Variants in PTPN5 observed in about 807,000 individuals in gnomAD.
PTPN5 encodes the protein tyrosine-protein phosphatase non-receptor type 5.
PTPN5 carries 29 observed loss-of-function variants against 73.9 expected under a neutral mutation model. That is an observed-to-expected ratio of 0.39 (90% CI 0.29 to 0.54). The LOEUF is 0.54. Ranked by LOEUF, PTPN5 falls within the 20% of genes least tolerant of loss-of-function variation. The pLI, the probability that PTPN5 is intolerant of heterozygous loss-of-function variation, is 0.65. For missense variants in PTPN5, 652 were observed against 751.4 expected (o/e 0.87, Z 1.55); for synonymous variants, 267 against 304.7 (o/e 0.88, Z 1.29).
chr11:18,777,003 A>C (rs1236783584), intron 1 of PTPN5, among the ~76,000 whole-genome samples: 2 of 152,148 alleles, frequency 1.3e-5, no homozygotes, highest in African/African-American at 4.8e-5. Flanking sequence ...CTCTACTAAA[A>C]ATACAAAATT....
At chr11:18,746,197 T>TATATACACA (rs1849630398) in intron 3 of PTPN5, among the ~76,000 whole-genome samples, 2 of 51,744 alleles carry the variant, frequency 3.9e-5, no homozygotes, top group Non-Finnish European at 1.1e-4. Flanking sequence ...ATATATACAT[T>TATATACACA]TTTTTTTTTT....
intron 8 of PTPN5, among the ~76,000 whole-genome samples, chr11:18,739,203 C>T (rs1402696538): frequency 6.6e-6 from 1 of 152,148 alleles, no homozygotes; most frequent in Non-Finnish European, 1.5e-5. Flanking sequence ...AATAAAAATA[C>T]AACACGTGCA....
chr11:18,742,070 A>G lies in PTPN5; in HGVS notation c.725+192T>C, dbSNP rs150288107. Among the ~76,000 whole-genome samples, 10 of 152,344 alleles carry G rather than the reference A, an allele frequency of 6.6e-5. No homozygotes were observed. The East Asian group carries it at 1.7e-3, about 26-fold the overall frequency. ...CACCTATGTGTGCGTGTGCAGTAAC[A>G]GTATTTCTCAGCATTCATCTTGGGG... On this transcript the variant is annotated intron_variant, in intron 7 of 14. Coordinates refer to ENST00000358540, the MANE Select transcript of PTPN5 (RefSeq NM_006906.2). This position sits in a 1 kb window ranked among gnomAD's most constrained non-coding sequence, Gnocchi z 4.1.
intron 1 of PTPN5, among the ~76,000 whole-genome samples, chr11:18,788,731 CAA>C (rs903227656): frequency 1.3e-5 from 2 of 152,316 alleles, no homozygotes; most frequent in African/African-American, 4.8e-5. Context: ...CGACACAGAA[CAA>C]AGAGTTCAGA....
chr11:18,740,245 A>G (rs1435791332), intron 8 of PTPN5, among the ~76,000 whole-genome samples: 1 of 152,148 alleles, frequency 6.6e-6, no homozygotes, highest in Admixed American at 6.5e-5. Flanking sequence ...CGGCAGGAGG[A>G]AAGTGGGAAA....
chr11:18,763,912 C>T (rs996034132), intron 3 of PTPN5, among the ~76,000 whole-genome samples: 3 of 152,204 alleles, frequency 2.0e-5, no homozygotes, highest in Admixed American at 6.5e-5. Flanking sequence ...CGGACTCAAA[C>T]GCCAAATCCC....
At chr11:18,776,328 G>T (rs1361464646) in intron 1 of PTPN5, among the ~76,000 whole-genome samples, 1 of 151,820 alleles carries the variant, frequency 6.6e-6, no homozygotes, top group Admixed American at 6.6e-5. Context: ...ATTCTTATTT[G>T]CCTTTTAAGA....
At chr11:18,730,183 CTCT>C (rs1271746435) in intron 12 of PTPN5, 1 of 443,350 alleles carries the variant, frequency 2.3e-6, no homozygotes, top group Non-Finnish European at 3.9e-6. Flanking sequence ...AGCCCCGGGA[CTCT>C]TCTTCGCCTC....
chr11:18,780,421 A>G (rs1439392034), intron 1 of PTPN5, among the ~76,000 whole-genome samples: 1 of 152,064 alleles, frequency 6.6e-6, no homozygotes, highest in Non-Finnish European at 1.5e-5. Context: ...AGCGGCCCCT[A>G]GCTCCTGCCA....
chr11:18,742,143 T>A lies in PTPN5; in HGVS notation c.725+119A>T. The A allele has an allele frequency of 7.1e-7, 1 of 1,402,324 alleles. No individual in the cohort carries two copies. The highest frequency in any genetic ancestry group is 9.8e-7 in the Non-Finnish European group (1 of 1,021,164). 86.9% of individuals were successfully genotyped at this position (1,402,324 alleles called of 1,614,324 possible). A position where few individuals can be genotyped will look rare whatever the true frequency, so the allele number is the denominator to read the frequency against. On this transcript the variant is annotated intron_variant, in intron 7 of 14. Coordinates refer to ENST00000358540, the MANE Select transcript of PTPN5 (RefSeq NM_006906.2). The surrounding 1 kb of genome is among the most constrained non-coding windows in gnomAD (Gnocchi z 4.1). ...CTGGATAGCACATGTCTACACTGGC[T>A]AAGCTATAAGGCCAGCTCTGCCCTG... is the stretch of plus-strand genomic sequence containing the variant.
chr11:18,784,271 T>A (rs1247913974), intron 1 of PTPN5, among the ~76,000 whole-genome samples: 3 of 152,152 alleles, frequency 2.0e-5, no homozygotes, highest in Non-Finnish European at 4.4e-5. Context: ...AACAGATGAA[T>A]GGCCAAACAA....
intron 7 of PTPN5, among the ~76,000 whole-genome samples, chr11:18,741,484 C>T (rs1849363104): frequency 6.6e-6 from 1 of 152,124 alleles, no homozygotes; most frequent in Non-Finnish European, 1.5e-5. Flanking sequence ...GGTGGCAGAG[C>T]TGAAATAAAA....
intron 3 of PTPN5, among the ~76,000 whole-genome samples, chr11:18,746,521 C>T (rs1867876): frequency 0.34 from 50,955 of 151,798 alleles, 8,884 homozygotes; most frequent in East Asian, 0.47. Flanking sequence ...ATACTACAGA[C>T]GAAACACCTA....
At position 18,742,978 on chromosome 11, in the gene PTPN5, A is replaced by G. The variant is rs1489981221; in HGVS notation, c.483+14T>C. ...GGAGGACAGCCTTGAGGTTGGGGTC[A>G]GGAGGCGCCTTACCAGGGTGGTAAC... On this transcript the variant is annotated intron_variant, in intron 6 of 14. Coordinates refer to ENST00000358540, the MANE Select transcript of PTPN5 (RefSeq NM_006906.2). This position sits in a 1 kb window ranked among gnomAD's most constrained non-coding sequence, Gnocchi z 4.1. The G allele has an allele frequency of 2.6e-6, 4 of 1,533,176 alleles. No individual in the cohort carries two copies. The highest frequency in any genetic ancestry group is 3.9e-5 in the Admixed American group (2 of 50,946). The allele number at this position is 1,533,176 out of a possible 1,614,324, so 95.0% of individuals were successfully genotyped here. A position where few individuals can be genotyped will look rare whatever the true frequency, so the allele number is the denominator to read the frequency against.
Position 18,770,025 on chromosome 11 carries a change from T to TG in PTPN5, c.20+1913dup, listed in dbSNP as rs1850808252. 2.0e-5 allele frequency among the ~76,000 whole-genome samples: 3 copies of TG among 152,104 alleles called. No homozygotes were observed. The South Asian group carries it at 6.2e-4, about 32-fold the overall frequency. On this transcript the variant is annotated intron_variant, in intron 2 of 14. Transcript: ENST00000358540. ...CTGGCTCTCTCACACCTGGTCTGGC[T>TG]GGGTAGGTCTGTAACACGAAGTGGG... is the stretch of plus-strand genomic sequence containing the variant.
intron 3 of PTPN5, among the ~76,000 whole-genome samples, chr11:18,758,747 G>A (rs1212447628): frequency 6.6e-6 from 1 of 151,836 alleles, no homozygotes; most frequent in East Asian, 1.9e-4. Flanking sequence ...CCAGACCAAA[G>A]AGAAAGGTAA....
chr11:18,732,668 G>C lies in PTPN5; in HGVS notation c.1253C>G (p.Ala418Gly). ...CACAGTGATCTCAACACCGTCGTAC[G>C]CCACCTGCTCCTCCGGCCAATACTC... ...CTEYWPEEQV[A>G]YDGVEITVQK... Residue 418 changes from alanine (A) to glycine (G), a missense_variant, in exon 12 of 15, where the codon GCG (alanine) becomes GGG (glycine). Around this residue, in one of 3 missense-constraint regions of PTPN5, gnomAD observed 529 missense variants for 573.9 expected, o/e 0.92. Transcript: ENST00000358540. 6.2e-7 allele frequency: 1 copy of C among 1,613,792 alleles called. No individual in the cohort carries two copies. The highest frequency in any genetic ancestry group is 1.1e-5 in the South Asian group (1 of 91,070).
intron 9 of PTPN5, among the ~76,000 whole-genome samples, chr11:18,734,800 G>T (rs1322589758): frequency 6.6e-6 from 1 of 152,210 alleles, no homozygotes; most frequent in East Asian, 1.9e-4. Context: ...TTTGTCATCA[G>T]CTCACTTGTC....
chr11:18,733,633 G>A lies in PTPN5; in HGVS notation c.1003C>T (p.Pro335Ser). 1.2e-6 allele frequency: 2 copies of A among 1,614,190 alleles called. No individual in the cohort carries two copies. The highest frequency in any genetic ancestry group is 1.7e-6 in the Non-Finnish European group (2 of 1,180,002). ...KNRYKTILPN[P>S]HSRVCLTSPD... ...GAGGTCAGACACACTCTGCTGTGAG[G>A]GTCTGGGGTGGTGGGAGACAAGTAA... Residue 335 changes from proline (P) to serine (S), a missense_variant and splice_region_variant, in exon 10 of 15, where the codon CCT becomes TCT. By Grantham distance (74) the Pro-to-Ser change is moderately conservative. Transcript: ENST00000358540. The surrounding 1 kb of genome is among the most constrained non-coding windows in gnomAD (Gnocchi z 4.3).
Sources: gnomAD v4.1 joint callset for allele counts (sites outside exome capture counted in the v4.1 genomes callset) on GRCh38, gnomAD v4.1.1 for gene constraint, gnomAD v4.1.1 regional missense constraint, Gnocchi (gnomAD v3.1) non-coding constraint, MANE v1.5 for transcripts, NCBI Gene and HGNC (gene_info 2026-07-23, HGNC 2026-07-21) for gene names.